Variants in RAD51B observed in about 807,000 individuals in gnomAD.
The protein encoded by RAD51B is RAD51 paralog B.
A neutral mutation model predicts 42.2 loss-of-function variants in RAD51B; 38 were observed. That is an observed-to-expected ratio of 0.90 (90% CI 0.70 to 1.18). The LOEUF is 1.18. RAD51B is among the 50% of genes most tolerant of loss of function. The pLI is 0.00. For synonymous variants in RAD51B, 154 were observed against 145.2 expected, an observed-to-expected ratio of 1.06 and a Z score of -0.43; for missense variants, 373 against 400.7, an observed-to-expected ratio of 0.93 and a Z score of 0.59.
intron 8 of RAD51B, among the ~76,000 whole-genome samples, chr14:68,345,741 C>G (rs1425918972): frequency 1.3e-5 from 2 of 152,104 alleles, no homozygotes; most frequent in African/African-American, 4.8e-5. Context: ...TCACTGCAAC[C>G]TCCACCTCCT....
chr14:68,653,554 A>G (rs1032786152), intron 11 of RAD51B, among the ~76,000 whole-genome samples: 5 of 152,148 alleles, frequency 3.3e-5, no homozygotes, highest in Non-Finnish European at 7.4e-5. Context: ...GGATGTCTAG[A>G]AGCATCCCTG....
chr14:67,877,654 T>C (rs937326386), intron 5 of RAD51B, among the ~76,000 whole-genome samples: 2 of 152,156 alleles, frequency 1.3e-5, no homozygotes, highest in Non-Finnish European at 2.9e-5. Flanking sequence ...GTGTCCTTTA[T>C]TGAAGAGAAA....
chr14:68,156,131 G>GAGC (rs370300608), intron 7 of RAD51B, among the ~76,000 whole-genome samples: 162 of 152,312 alleles, frequency 1.1e-3, no homozygotes, highest in African/African-American at 3.7e-3. Flanking sequence ...TGCTCTGTCA[G>GAGC]AGCAGCACTG....
chr14:67,995,276 A>G (rs1467140674), intron 7 of RAD51B, among the ~76,000 whole-genome samples: 1 of 151,896 alleles, frequency 6.6e-6, no homozygotes, highest in East Asian at 1.9e-4. Flanking sequence ...AGTCCCAGCT[A>G]CTCGGGAGGC....
At chr14:68,507,973 G>A (rs1232171913) in intron 10 of RAD51B, among the ~76,000 whole-genome samples, 25 of 152,118 alleles carry the variant, frequency 1.6e-4, no homozygotes, top group Admixed American at 1.0e-3. Flanking sequence ...CCTTTGTACC[G>A]TCGGAAGCAG....
chr14:68,514,578 A>G (rs1473689403), intron 10 of RAD51B, among the ~76,000 whole-genome samples: 1 of 152,180 alleles, frequency 6.6e-6, no homozygotes, highest in Admixed American at 6.5e-5. Context: ...GCTCCCAGGC[A>G]GCCCTTCTAG....
chr14:68,286,653 TC>T (rs1041726395), intron 7 of RAD51B, among the ~76,000 whole-genome samples: 3 of 152,142 alleles, frequency 2.0e-5, no homozygotes, highest in Non-Finnish European at 4.4e-5. Flanking sequence ...TGGGGCCCCC[TC>T]CCCTTCCACC....
intron 10 of RAD51B, among the ~76,000 whole-genome samples, chr14:68,578,040 T>C (rs1890040856): frequency 1.3e-5 from 2 of 152,282 alleles, no homozygotes; most frequent in Non-Finnish European, 2.9e-5. Flanking sequence ...CAACAGCACA[T>C]TGTCGAACAC....
At chr14:68,350,114 TAG>T in intron 8 of RAD51B, among the ~76,000 whole-genome samples, 1 of 152,286 alleles carries the variant, frequency 6.6e-6, no homozygotes, top group African/African-American at 2.4e-5. Context: ...TGTGCACATA[TAG>T]AGTTTGTTCT....
At chr14:68,679,159 G>A (rs954253311) in intron 11 of RAD51B, among the ~76,000 whole-genome samples, 2 of 152,168 alleles carry the variant, frequency 1.3e-5, no homozygotes, top group Admixed American at 6.5e-5. Context: ...GAGGTGCAAA[G>A]GCTTCCCGAG....
At chr14:68,075,347 C>T (rs909153679) in intron 7 of RAD51B, among the ~76,000 whole-genome samples, 1 of 152,184 alleles carries the variant, frequency 6.6e-6, no homozygotes, top group Non-Finnish European at 1.5e-5. Flanking sequence ...AGTACCACTG[C>T]AGTGGTACTG....
At chr14:68,064,720 A>C (rs904070631) in intron 7 of RAD51B, among the ~76,000 whole-genome samples, 31 of 151,888 alleles carry the variant, frequency 2.0e-4, no homozygotes, top group African/African-American at 7.5e-4. Context: ...TTTGAAAGTC[A>C]GGGATTCTTT....
intron 7 of RAD51B, among the ~76,000 whole-genome samples, chr14:68,093,714 G>T (rs151189256): frequency 1.3e-5 from 2 of 152,030 alleles, no homozygotes; most frequent in Admixed American, 1.3e-4. Flanking sequence ...GTTCTGCTCC[G>T]ATCTTAGTTA....
At chr14:67,996,439 TAAATAAATAAATA>T (rs1392745016) in intron 7 of RAD51B, among the ~76,000 whole-genome samples, 1 of 151,026 alleles carries the variant, frequency 6.6e-6, no homozygotes, top group Non-Finnish European at 1.5e-5. Flanking sequence ...AATAAATAAA[TAAATAAATAAATA>T]AAAGATGTTC....
chr14:68,681,370 G>C (rs550581414), intron 11 of RAD51B, among the ~76,000 whole-genome samples: 2 of 152,304 alleles, frequency 1.3e-5, no homozygotes, highest in Admixed American at 6.5e-5. Flanking sequence ...CAAGATGTAA[G>C]AGAGAGGAGG....
chr14:68,516,351 A>T (rs116282262), intron 10 of RAD51B, among the ~76,000 whole-genome samples: 7,041 of 152,282 alleles, frequency 0.046, 505 homozygotes, highest in African/African-American at 0.16. Flanking sequence ...TAACTTTTTT[A>T]AAAAATCCAA....
At chr14:68,083,784 G>A (rs1178622610) in intron 7 of RAD51B, among the ~76,000 whole-genome samples, 1 of 152,090 alleles carries the variant, frequency 6.6e-6, no homozygotes, top group Non-Finnish European at 1.5e-5. Context: ...AACATGAAGA[G>A]TTCTGCTTAT....
chr14:68,111,457 TTGTGCTGTTACA>T (rs2140585668), intron 7 of RAD51B, among the ~76,000 whole-genome samples: 1 of 152,224 alleles, frequency 6.6e-6, no homozygotes, highest in Non-Finnish European at 1.5e-5. Flanking sequence ...TCTCATGTGG[TTGTGCTGTTACA>T]TGTCTTTTCA....
At chr14:68,633,000 GGA>G (rs1178570048) in intron 10 of RAD51B, among the ~76,000 whole-genome samples, 1 of 52,762 alleles carries the variant, frequency 1.9e-5, no homozygotes, top group Non-Finnish European at 3.9e-5. Flanking sequence ...TTTTTTTTTT[GGA>G]GAGAGGGGTT....
Sources: allele counts gnomAD v4.1 joint callset (sites outside exome capture counted in the v4.1 genomes callset), GRCh38; gene constraint gnomAD v4.1.1; transcripts MANE v1.5; gene names NCBI Gene and HGNC (gene_info 2026-07-23, HGNC 2026-07-21).